Variants in EXPH5 observed in about 807,000 individuals in gnomAD.
EXPH5 encodes the protein exophilin 5, also known as exophilin-5.
EXPH5 carries 42 observed loss-of-function variants against 41.1 expected under a neutral mutation model. The ratio of observed to expected loss-of-function variants is 1.02; its 90% CI spans 0.80 to 1.32. EXPH5 has a LOEUF of 1.32. Ranked by LOEUF, EXPH5 falls within the 40% of genes most tolerant of loss-of-function variation. The pLI is 0.00. For missense variants in EXPH5, 2,298 were observed against 2,314.5 expected, an observed-to-expected ratio of 0.99 and a Z score of 0.15; for synonymous variants, 798 against 833.5, an observed-to-expected ratio of 0.96 and a Z score of 0.73.
chr11:108,533,370 A>T (rs546169007), intron 3 of EXPH5, among the ~76,000 whole-genome samples: 266 of 152,060 alleles, frequency 1.7e-3, no homozygotes, highest in African/African-American at 6.2e-3. Flanking sequence ...CACCTGGCTA[A>T]TTTTTCTAAT....
rs73548774 is a variant in EXPH5, at chr11:108,537,897, T to C, written c.443+1127A>G. 5.5e-3 allele frequency: 4,468 copies of C among 816,872 alleles called. 194 individuals are homozygous for C. In the African/African-American group the frequency reaches 0.078, roughly 14 times the overall value. The allele number at this position is 816,872 out of a possible 1,614,324, so 50.6% of individuals were successfully genotyped here. ...TTACTGGGCAAGAAACACTTCTCAA[T>C]TTTAAATCCCCCAAATGTGAGAATC... On this transcript the variant is annotated intron_variant, in intron 3 of 5. Coordinates refer to ENST00000265843, the MANE Select transcript of EXPH5 (RefSeq NM_015065.3).
At chr11:108,600,223 C>T in the EXPH5 span, among the ~76,000 whole-genome samples, 1 of 152,144 alleles carries the variant, frequency 6.6e-6, no homozygotes, top group Admixed American at 6.5e-5. Context: ...TTAAGTTGTC[C>T]TTTCTCCATC....
the EXPH5 span, among the ~76,000 whole-genome samples, chr11:108,599,598 T>G: frequency 1.3e-5 from 2 of 152,324 alleles, no homozygotes; most frequent in South Asian, 4.2e-4. Context: ...TTGTTGGTAG[T>G]TTTTATGTTA....
chr11:108,511,447 C>G lies in EXPH5; in HGVS notation c.4060G>C (p.Val1354Leu), dbSNP rs190476119. The G allele has an allele frequency of 5.8e-4, 915 of 1,584,580 alleles. 5 individuals are homozygous for G. Among genetic ancestry groups the G allele is most frequent in the Non-Finnish European group, 3.7e-4 (427 of 1,169,460 alleles). ...TTAGATTCCTCTTCAGGAAGAGAAACAGCTGCCTCAACAGAAGCCATTTCC... is the reference window on the plus strand; with the variant it reads ...TTAGATTCCTCTTCAGGAAGAGAAAGAGCTGCCTCAACAGAAGCCATTTCC... ...LQEMASVEAA[V>L]SLPEEESKAR... Residue 1354 changes from valine (V) to leucine (L), a missense_variant, in exon 6 of 6, where the codon GTT (valine) becomes CTT (leucine). By Grantham distance (32) the Val-to-Leu change is conservative. Transcript: ENST00000265843.
chr11:108,589,241 C>G (rs2094121703), intron 1 of EXPH5, among the ~76,000 whole-genome samples: 1 of 152,128 alleles, frequency 6.6e-6, no homozygotes, highest in Non-Finnish European at 1.5e-5. Flanking sequence ...AGTAAAAAGC[C>G]CAATCAGTAG....
chr11:108,587,242 T>C (rs1386959754), intron 1 of EXPH5, among the ~76,000 whole-genome samples: 2 of 152,234 alleles, frequency 1.3e-5, no homozygotes, highest in Non-Finnish European at 2.9e-5. Flanking sequence ...CATTTAGCAT[T>C]AGGTATATCT....
chr11:108,603,133 G>A, the EXPH5 span, among the ~76,000 whole-genome samples: 37 of 152,196 alleles, frequency 2.4e-4, no homozygotes, highest in African/African-American at 8.9e-4. Context: ...AGTTTCCTGA[G>A]GCCTCCCCAG....
chr11:108,518,688 A>C (rs1272723978), intron 4 of EXPH5, among the ~76,000 whole-genome samples: 1 of 152,210 alleles, frequency 6.6e-6, no homozygotes, highest in Non-Finnish European at 1.5e-5. Flanking sequence ...CATCTCGAAT[A>C]GGGGCTGGGT....
rs1173203625 is a variant in EXPH5 at position 108,514,872 on chromosome 11, A to G, written c.635T>C (p.Leu212Ser). 4 of 1,436,106 alleles carry G rather than the reference A, an allele frequency of 2.8e-6. No individual in the cohort carries two copies. The highest frequency in any genetic ancestry group is 3.7e-6 in the Non-Finnish European group (4 of 1,094,052). 89.0% of individuals were successfully genotyped at this position (1,436,106 alleles called of 1,614,324 possible). A position where few individuals can be genotyped will look rare whatever the true frequency, so the allele number is the denominator to read the frequency against. Residue 212 changes from leucine to serine, a missense_variant, in exon 6 of 6, where the codon TTA (leucine) becomes TCA (serine). Coordinates refer to ENST00000265843, the MANE Select transcript of EXPH5 (RefSeq NM_015065.3). Reference protein sequence around the residue: ...SLLENEFFQVLDDLDSKLAQE... With the variant: ...SLLENEFFQVSDDLDSKLAQE... ...AGCCAATTTGCTATCCAAGTCATCT[A>G]AAACTGAAAAGAGAATGTGAATCAA...
At chr11:108,568,355 G>A (rs1056840361) in intron 1 of EXPH5, among the ~76,000 whole-genome samples, 1 of 152,110 alleles carries the variant, frequency 6.6e-6, no homozygotes, top group Non-Finnish European at 1.5e-5. Context: ...GCTGGCCGGC[G>A]TGGTGGTTCC....
intron 1 of EXPH5, among the ~76,000 whole-genome samples, chr11:108,582,635 C>T (rs2136116023): frequency 6.6e-6 from 1 of 152,308 alleles, no homozygotes; most frequent in Admixed American, 6.5e-5. Flanking sequence ...GATTAGTTTT[C>T]TCAGGCTACC....
rs1355053027 is a variant in EXPH5, at chr11:108,512,658, A to G, written c.2849T>C (p.Val950Ala). The G allele has an allele frequency of 6.2e-7, 1 of 1,614,050 alleles. No homozygotes were observed. Among genetic ancestry groups the G allele is most frequent in the African/African-American group, 1.3e-5 (1 of 74,946 alleles). ...ATCAACCACTTCATCATGTGTAGGC[A>G]CAGGACTATCATTTCTCTCTTGGTT... is the stretch of plus-strand genomic sequence containing the variant. ...SENQERNDSP[V>A]PTHDEVVDVK... The change falls in exon 6 of 6, where the codon GTG becomes GCG. Residue 950 changes from valine to alanine, a missense_variant. By Grantham distance (64) the Val-to-Ala change is moderately conservative. Coordinates refer to ENST00000265843, the MANE Select transcript of EXPH5 (RefSeq NM_015065.3).
chr11:108,550,067 A>G (rs1344893888), intron 1 of EXPH5, among the ~76,000 whole-genome samples: 3 of 152,212 alleles, frequency 2.0e-5, no homozygotes, highest in Non-Finnish European at 4.4e-5. Flanking sequence ...AGTAAGACTG[A>G]GCCAGGACAA....
chr11:108,596,371 T>G (rs1374712939), upstream of EXPH5, among the ~76,000 whole-genome samples: 1 of 151,984 alleles, frequency 6.6e-6, no homozygotes, highest in African/African-American at 2.4e-5. Flanking sequence ...TCCAAAGATA[T>G]TGGCTGGATT....
intron 5 of EXPH5, among the ~76,000 whole-genome samples, chr11:108,517,654 T>A (rs947136106): frequency 6.6e-6 from 1 of 152,250 alleles, no homozygotes. Flanking sequence ...AATTGTCTAA[T>A]GTCAATTAGA....
chr11:108,540,774 C>T (rs770972037), intron 2 of EXPH5, among the ~76,000 whole-genome samples: 1 of 152,004 alleles, frequency 6.6e-6, no homozygotes, highest in Non-Finnish European at 1.5e-5. Flanking sequence ...GCAGCTCCTC[C>T]ACCACCTTCC....
chr11:108,563,234 G>A (rs2094020484), intron 1 of EXPH5, among the ~76,000 whole-genome samples: 1 of 152,170 alleles, frequency 6.6e-6, no homozygotes, highest in Non-Finnish European at 1.5e-5. Flanking sequence ...TGAGAAATTT[G>A]AGCTGGAGAA....
Position 108,510,339 on chromosome 11 carries a change from T to C in EXPH5, c.5168A>G (p.Gln1723Arg), listed in dbSNP as rs1448071519. The change falls in exon 6 of 6, where the codon CAG (glutamine) becomes CGG (arginine). Residue 1723 changes from glutamine to arginine, a missense_variant. Physicochemically the swap from Gln to Arg is conservative, Grantham distance 43. Transcript: ENST00000265843. The part of the protein sequence containing the change: ...HENSKDVTAA[Q>R]NLVRESGAPS... ...GGCTCCTGATTCTCTTACTAAATTCTGAGCTGCTGTGACGTCTTTAGAATT... is the reference window on the plus strand; with the variant it reads ...GGCTCCTGATTCTCTTACTAAATTCCGAGCTGCTGTGACGTCTTTAGAATT... 3 of 1,614,196 alleles carry C rather than the reference T, an allele frequency of 1.9e-6. No individual in the cohort carries two copies. Among genetic ancestry groups the C allele is most frequent in the Admixed American group, 1.7e-5 (1 of 60,028 alleles).
rs373953172 is a variant in EXPH5, at chr11:108,589,505, C to T, written c.119+3913G>A. On this transcript the variant is annotated intron_variant, in intron 1 of 5. Transcript: ENST00000265843. ...CAGAAAAAACTAAATTCTGGAAAAC[C>T]CTCCTGGGCTGCAATCTTGCCATGG... Among the ~76,000 whole-genome samples, 257 of 152,256 alleles carry T rather than the reference C, an allele frequency of 1.7e-3. 1 individual carries two copies. The highest frequency in any genetic ancestry group is 5.9e-3 in the African/African-American group (244 of 41,548).
Sources: allele counts gnomAD v4.1 joint callset (sites outside exome capture counted in the v4.1 genomes callset), GRCh38; gene constraint gnomAD v4.1.1; transcripts MANE v1.5; gene names NCBI Gene and HGNC (gene_info 2026-07-23, HGNC 2026-07-21).